CERS4: variants seen among roughly 807,000 people sequenced by gnomAD.
The protein encoded by CERS4 is LAG1 homolog, ceramide synthase 4.
A neutral mutation model predicts 51.8 loss-of-function variants in CERS4; 65 were observed. That is an observed-to-expected ratio of 1.26 (90% CI 1.03 to 1.54). CERS4 has a LOEUF of 1.54. CERS4 is among the 40% of genes most tolerant of loss of function. The pLI, the probability that CERS4 is intolerant of heterozygous loss-of-function variation, is 0.00. For missense variants in CERS4, 563 were observed against 500.4 expected (o/e 1.13, Z -1.19); for synonymous variants, 228 against 208.4 (o/e 1.09, Z -0.81).
chr19:8,256,735 G>A (rs1391582570), intron 8 of CERS4, 25 bp downstream of exon 8: 1 of 1,606,228 alleles, frequency 6.2e-7, no homozygotes, highest in Non-Finnish European at 8.5e-7. Flanking sequence ...GAGTCTGGAA[G>A]ACCCAGTCTC....
At chr19:8,234,902 A>G (rs1036503399) in intron 2 of CERS4, among the ~76,000 whole-genome samples, 4 of 151,740 alleles carry the variant, frequency 2.6e-5, no homozygotes, top group Non-Finnish European at 5.9e-5. Context: ...GAGACCTCAT[A>G]TAAGTGGAAT....
intron 2 of CERS4, chr19:8,240,585 A>AGAGT (rs1555776366): frequency 7.0e-6 from 1 of 142,080 alleles, no homozygotes; most frequent in Admixed American, 6.9e-5. Flanking sequence ...AATGTATGCA[A>AGAGT]GTGTGTGTGT....
intron 2 of CERS4, among the ~76,000 whole-genome samples, chr19:8,218,301 GAC>G (rs1967388997): frequency 6.6e-6 from 1 of 152,128 alleles, no homozygotes; most frequent in South Asian, 2.1e-4. Context: ...GAGTCTTCAA[GAC>G]TTCCTGGAGG....
In CERS4 at chr19:8,235,028, G is replaced by A. The variant is rs1345625181; in HGVS notation, c.-1-16048G>A. The stretch of plus-strand genomic sequence containing the variant: ...CTTTCTTTCTTTTTTTTTTTTTTCA[G>A]ACAGAGTTTCACTCTTGTTGCCCAG... On this transcript the variant is annotated intron_variant, in intron 2 of 11. Transcript: ENST00000251363. Among the ~76,000 whole-genome samples, 563 of 79,546 alleles carry A rather than the reference G, an allele frequency of 7.1e-3. 9 individuals carry two copies. Among genetic ancestry groups the A allele is most frequent in the African/African-American group, 0.023 (520 of 22,302 alleles). The allele number at this position is 79,546 out of a possible 152,430, so 52.2% of individuals were successfully genotyped here.
intron 2 of CERS4, among the ~76,000 whole-genome samples, chr19:8,237,985 T>C (rs1417718257): frequency 2.0e-5 from 3 of 152,072 alleles, no homozygotes; most frequent in Admixed American, 6.6e-5. Context: ...CCCCTCACAC[T>C]CCCACGTGTA....
chr19:8,227,069 C>T (rs796729252), intron 2 of CERS4, among the ~76,000 whole-genome samples: 3 of 151,958 alleles, frequency 2.0e-5, no homozygotes, highest in African/African-American at 7.2e-5. Flanking sequence ...TTGATGTTGC[C>T]GTGAGCCAAG....
intron 8 of CERS4, 22 bp downstream of exon 8, chr19:8,256,732 G>A (rs1969404619): frequency 6.2e-7 from 1 of 1,607,652 alleles, no homozygotes; most frequent in African/African-American, 1.3e-5. Flanking sequence ...TAAGAGTCTG[G>A]AAGACCCAGT....
intron 2 of CERS4, among the ~76,000 whole-genome samples, chr19:8,229,351 G>A (rs917940737): frequency 2.0e-5 from 3 of 152,108 alleles, no homozygotes; most frequent in South Asian, 2.1e-4. Flanking sequence ...CAACTCACAT[G>A]CATGTGGACT....
chr19:8,262,010 A>G lies in CERS4; in HGVS notation c.1086A>G (p.Leu362=), dbSNP rs199893919. The change falls in exon 12 of 12, where the codon CTA becomes CTG. Residue 362 remains leucine (L), a synonymous_variant. Transcript: ENST00000251363. ...EAAAAQEPLQ[L]KNGAAGGPRP... The stretch of plus-strand genomic sequence containing the variant: ...CGGCGGCCCAGGAACCTCTGCAGCT[A>G]AAGAACGGGGCAGCTGGAGGGCCCA... 2.3e-5 allele frequency: 37 copies of G among 1,590,790 alleles called. No homozygotes were observed. The highest frequency in any genetic ancestry group is 1.7e-4 in the Middle Eastern group (1 of 5,950).
chr19:8,256,296 A>G lies in CERS4; in HGVS notation c.519+10A>G. On this transcript the variant is annotated intron_variant, in intron 7 of 11. Transcript: ENST00000251363. ...CAGGTACCCAAACCAGGTGAGTGGC[A>G]GAGTGTGTGTGAATGCTTGGAGGGT... 1.4e-6 allele frequency: 2 copies of G among 1,409,166 alleles called. No individual in the cohort carries two copies. Among genetic ancestry groups the G allele is most frequent in the Non-Finnish European group, 2.0e-6 (2 of 1,016,410 alleles). 87.3% of individuals were successfully genotyped at this position (1,409,166 alleles called of 1,614,324 possible).
At chr19:8,257,840 C>T (rs1485976340) in intron 9 of CERS4, 39 bp from the exon 10 acceptor site, 1 of 1,521,792 alleles carries the variant, frequency 6.6e-7, no homozygotes, top group East Asian at 2.2e-5. Context: ...AGACCAGGGC[C>T]CTGGTCCTGA....
Position 8,210,229 on chromosome 19 carries a change from G to T in CERS4, c.-158-477G>T, listed in dbSNP as rs1296563753. Among the ~76,000 whole-genome samples the T allele has an allele frequency of 6.6e-6, 1 of 152,180 alleles. No homozygotes were observed. Among genetic ancestry groups the T allele is most frequent in the Non-Finnish European group, 1.5e-5 (1 of 68,040 alleles). On this transcript the variant is annotated intron_variant, in intron 1 of 11. Transcript: ENST00000251363. The surrounding 1 kb of genome is among the most constrained non-coding windows in gnomAD (Gnocchi z 4.2). ...TCGGATTGTGTCTTAAGAACATCCC[G>T]TAGCCGCTGTGGGTAGGAGAGATGG...
At chr19:8,215,276 C>G (rs992148576) in intron 2 of CERS4, among the ~76,000 whole-genome samples, 1 of 151,956 alleles carries the variant, frequency 6.6e-6, no homozygotes, top group African/African-American at 2.4e-5. Context: ...GTCAAGAGTT[C>G]GAGACCAGCG....
intron 10 of CERS4, chr19:8,261,182 C>CTGGGAGATGAGG: frequency 6.5e-6 from 1 of 155,022 alleles, no homozygotes; most frequent in South Asian, 2.0e-4. Context: ...GTCCGGCTAC[C>CTGGGAGATGAGG]CGGGAGATGA....
chr19:8,221,450 C>T (rs1016100683), intron 2 of CERS4, among the ~76,000 whole-genome samples: 20 of 152,094 alleles, frequency 1.3e-4, no homozygotes, highest in African/African-American at 4.6e-4. Context: ...CCAATGCTGG[C>T]TTGCTCTTTC....
intron 4 of CERS4, among the ~76,000 whole-genome samples, chr19:8,254,974 A>C (rs1568534812): frequency 2.0e-5 from 3 of 151,852 alleles, no homozygotes; most frequent in African/African-American, 4.8e-5. Flanking sequence ...ATTCTAGGAG[A>C]GTGAGAGTAG....
At chr19:8,256,512 G>T (rs1349280640) in intron 7 of CERS4, 106 bp from the exon 8 acceptor site, 1 of 1,146,658 alleles carries the variant, frequency 8.7e-7, no homozygotes, top group Non-Finnish European at 1.3e-6. Flanking sequence ...CACTCATTGG[G>T]ATTCAAGTAT....
chr19:8,248,828 TGATGGGTGGGTGGACAGATCTTTG>T (rs141266224), intron 2 of CERS4, among the ~76,000 whole-genome samples: 6,619 of 141,710 alleles, frequency 0.047, 396 homozygotes, highest in African/African-American at 0.15. Context: ...GGTTGATGGA[TGATGGGTGGGTGGACAGATCTTTG>T]GATGGGTGGG....
rs1969389448 is a variant in CERS4, at chr19:8,256,491, G to C, written c.520-127G>C. 7.4e-5 allele frequency: 76 copies of C among 1,029,408 alleles called. No homozygotes were observed. The South Asian group carries it at 1.2e-3, about 16-fold the overall frequency. The allele number at this position is 1,029,408 out of a possible 1,614,324, so 63.8% of individuals were successfully genotyped here. On this transcript the variant is annotated intron_variant, in intron 7 of 11. Coordinates refer to ENST00000251363, the MANE Select transcript of CERS4 (RefSeq NM_024552.3). Reference sequence around the variant, plus strand: ...ACCACTGCCCTTGATTACCTCCAGGGATGGGGAGCTCACTCATTGGGATTC... The same window carrying C: ...ACCACTGCCCTTGATTACCTCCAGGCATGGGGAGCTCACTCATTGGGATTC...
Sources: gnomAD v4.1 joint callset for allele counts (sites outside exome capture counted in the v4.1 genomes callset) on GRCh38, gnomAD v4.1.1 for gene constraint, Gnocchi (gnomAD v3.1) non-coding constraint, MANE v1.5 for transcripts, NCBI Gene and HGNC (gene_info 2026-07-23, HGNC 2026-07-21) for gene names.